OR10J1: variants seen among roughly 807,000 people sequenced by gnomAD.
OR10J1 encodes the protein olfactory receptor 10J1.
For missense variants in OR10J1, 474 were observed against 376.6 expected, an observed-to-expected ratio of 1.26 and a Z score of -2.14; for synonymous variants, 202 against 143.8, an observed-to-expected ratio of 1.40 and a Z score of -2.89.
At chr1:159,425,259 A>G in the OR10J1 span, among the ~76,000 whole-genome samples, 1 of 152,280 alleles carries the variant, frequency 6.6e-6, no homozygotes, top group East Asian at 1.9e-4. Context: ...GGAAGCAGGG[A>G]AACTAACACA....
chr1:159,435,121 G>A (rs888864013), upstream of OR10J1, among the ~76,000 whole-genome samples: 2 of 152,128 alleles, frequency 1.3e-5, no homozygotes, highest in Non-Finnish European at 2.9e-5. Flanking sequence ...CTAGACCTAA[G>A]CAAAGTGGTG....
chr1:159,437,710 G>C (rs191116008), upstream of OR10J1: 7 of 152,164 alleles, frequency 4.6e-5, no homozygotes, highest in African/African-American at 1.4e-4. Flanking sequence ...CCAGCCCCAG[G>C]GGGGTGGCTG....
At chr1:159,408,756 G>A in the OR10J1 span, among the ~76,000 whole-genome samples, 1 of 152,022 alleles carries the variant, frequency 6.6e-6, no homozygotes, top group Admixed American at 6.6e-5. Flanking sequence ...GCTCAAATGA[G>A]TCAATACATA....
At chr1:159,411,062 G>T in the OR10J1 span, among the ~76,000 whole-genome samples, 32 of 152,176 alleles carry the variant, frequency 2.1e-4, 1 homozygote, top group Admixed American at 2.0e-3. Flanking sequence ...TGGTCTGAGA[G>T]ACAGTTTGTT....
chr1:159,412,709 T>C, the OR10J1 span, among the ~76,000 whole-genome samples: 1 of 151,988 alleles, frequency 6.6e-6, no homozygotes, highest in African/African-American at 2.4e-5. Context: ...AAGACTTAAA[T>C]GTTAGTCCTA....
At chr1:159,411,484 G>T in the OR10J1 span, among the ~76,000 whole-genome samples, 1 of 151,996 alleles carries the variant, frequency 6.6e-6, no homozygotes, top group South Asian at 2.1e-4. Flanking sequence ...ATCTTTGTTG[G>T]TTTAAAGTCT....
At position 159,439,815 on chromosome 1, in the gene OR10J1, C is replaced by T; in HGVS notation, c.24C>T (p.Leu8=). The T allele has an allele frequency of 6.2e-7, 1 of 1,614,100 alleles. No individual in the cohort carries two copies. Among genetic ancestry groups the T allele is most frequent in the African/African-American group, 1.3e-5 (1 of 75,038 alleles). MKRENFT[L]ITDFVFQGFS... Reference sequence around the variant, plus strand: ...CCATGAAAAGAGAGAACTTTACTCTCATCACTGACTTTGTTTTCCAAGGTT... The same window carrying T: ...CCATGAAAAGAGAGAACTTTACTCTTATCACTGACTTTGTTTTCCAAGGTT... The change falls in exon 1 of 1, where the codon CTC becomes CTT. Residue 8 remains leucine (L), a synonymous_variant. Coordinates refer to ENST00000423932, the MANE Select transcript of OR10J1 (RefSeq NM_012351.3).
chr1:159,429,512 A>T, the OR10J1 span, among the ~76,000 whole-genome samples: 1 of 152,210 alleles, frequency 6.6e-6, no homozygotes, highest in Non-Finnish European at 1.5e-5. Context: ...GCAGTCCAGG[A>T]CCTTATGCTG....
the OR10J1 span, among the ~76,000 whole-genome samples, chr1:159,413,785 C>A: frequency 6.6e-6 from 1 of 151,438 alleles, no homozygotes; most frequent in Admixed American, 6.6e-5. Flanking sequence ...CACATGTACA[C>A]ATATGTAACT....
chr1:159,413,644 A>G, the OR10J1 span, among the ~76,000 whole-genome samples: 1 of 148,098 alleles, frequency 6.8e-6, no homozygotes, highest in South Asian at 2.2e-4. Flanking sequence ...AACAATGAGA[A>G]CACATGGACA....
upstream of OR10J1, chr1:159,439,718 G>T: frequency 6.3e-7 from 1 of 1,581,498 alleles, no homozygotes; most frequent in Non-Finnish European, 8.6e-7. Flanking sequence ...ATCAATTTCA[G>T]AAATGTGCTT....
chr1:159,414,343 T>C, the OR10J1 span, among the ~76,000 whole-genome samples: 1 of 152,106 alleles, frequency 6.6e-6, no homozygotes, highest in Non-Finnish European at 1.5e-5. Flanking sequence ...AGAGGACATG[T>C]AAAATTTTTC....
the OR10J1 span, among the ~76,000 whole-genome samples, chr1:159,414,318 G>A: frequency 6.6e-6 from 1 of 152,102 alleles, no homozygotes; most frequent in East Asian, 1.9e-4. Context: ...AACTTTTGTA[G>A]CTCCCACATA....
At chr1:159,420,692 GT>G in the OR10J1 span, among the ~76,000 whole-genome samples, 263 of 148,194 alleles carry the variant, frequency 1.8e-3, no homozygotes, top group Non-Finnish European at 3.2e-3. Context: ...TGGTTAGTAG[GT>G]TTTTTTTTTC....
the OR10J1 span, among the ~76,000 whole-genome samples, chr1:159,402,584 A>G: frequency 5.9e-5 from 9 of 152,128 alleles, no homozygotes; most frequent in Non-Finnish European, 1.0e-4. Flanking sequence ...AATGAAAACT[A>G]TAAAACACTC....
chr1:159,405,908 C>G, the OR10J1 span: 1 of 552,582 alleles, frequency 1.8e-6, no homozygotes, highest in Non-Finnish European at 3.4e-6. Flanking sequence ...TGGACAATAG[C>G]CATGCCCAGG....
the OR10J1 span, among the ~76,000 whole-genome samples, chr1:159,405,149 A>C: frequency 3.3e-5 from 5 of 152,116 alleles, no homozygotes; most frequent in Non-Finnish European, 5.9e-5. Context: ...ATGAGGAAAA[A>C]AGGTGGATCT....
At chr1:159,430,100 C>T in the OR10J1 span, among the ~76,000 whole-genome samples, 3 of 152,002 alleles carry the variant, frequency 2.0e-5, no homozygotes, top group East Asian at 5.8e-4. Context: ...TCTCTTTTAT[C>T]TCCTGAGATA....
the OR10J1 span, among the ~76,000 whole-genome samples, chr1:159,413,361 A>G: frequency 2.0e-5 from 3 of 151,888 alleles, no homozygotes; most frequent in African/African-American, 7.3e-5. Context: ...AGGACTATAA[A>G]TCATGCTGCT....
Sources: gnomAD v4.1 joint callset for allele counts (sites outside exome capture counted in the v4.1 genomes callset) on GRCh38, gnomAD v4.1.1 for gene constraint, MANE v1.5 for transcripts, NCBI Gene and HGNC (gene_info 2026-07-23, HGNC 2026-07-21) for gene names.